DAPK1: variants seen among roughly 807,000 people sequenced by gnomAD.
DAPK1 encodes death associated protein kinase 1.
DAPK1 carries 56 observed loss-of-function variants against 144.9 expected under a neutral mutation model. The ratio of observed to expected loss-of-function variants is 0.39; its 90% confidence interval spans 0.31 to 0.48. DAPK1 has a LOEUF of 0.48. Among genes scored for constraint, DAPK1 ranks in the 20% least tolerant of loss-of-function variants. The probability of loss-of-function intolerance (pLI) is 0.95; values close to 1 mark genes in which losing one functional copy is unlikely to be tolerated. For synonymous variants in DAPK1, 690 were observed against 749.0 expected, an observed-to-expected ratio of 0.92 and a Z score of 1.29; for missense variants, 1,454 against 1,875.4, an observed-to-expected ratio of 0.78 and a Z score of 4.15.
At chr9:87,626,262 A>C (rs1829485679) in intron 3 of DAPK1, among the ~76,000 whole-genome samples, 1 of 152,154 alleles carries the variant, frequency 6.6e-6, no homozygotes, top group Admixed American at 6.6e-5. Flanking sequence ...CTAAACACAA[A>C]AAATTAGCTG....
At chr9:87,672,838 G>A (rs752868350) in intron 19 of DAPK1, among the ~76,000 whole-genome samples, 2 of 152,148 alleles carry the variant, frequency 1.3e-5, no homozygotes, top group Admixed American at 6.5e-5. Flanking sequence ...AGAATGCATC[G>A]CTGAGGATTG....
chr9:87,590,953 T>C (rs1419578666), intron 2 of DAPK1, among the ~76,000 whole-genome samples: 2 of 152,342 alleles, frequency 1.3e-5, no homozygotes, highest in Admixed American at 1.3e-4. Flanking sequence ...TCCCAATTTT[T>C]AGAAATCTGA....
chr9:87,685,932 A>G (rs1353602470), intron 20 of DAPK1, among the ~76,000 whole-genome samples: 1 of 152,216 alleles, frequency 6.6e-6, no homozygotes, highest in Non-Finnish European at 1.5e-5. Context: ...GAAGATGAGC[A>G]GGTGTTGAGG....
At chr9:87,592,030 C>T (rs1472506771) in intron 2 of DAPK1, among the ~76,000 whole-genome samples, 1 of 152,228 alleles carries the variant, frequency 6.6e-6, no homozygotes, top group Non-Finnish European at 1.5e-5. Context: ...GCCACCATTT[C>T]CTTTAGGCCC....
At chr9:87,525,382 C>T (rs1161460485) in intron 2 of DAPK1, 4 of 1,611,300 alleles carry the variant, frequency 2.5e-6, no homozygotes, top group Non-Finnish European at 2.5e-6. Context: ...GTTCAAACAA[C>T]CGGCACGGTC....
At position 87,634,963 on chromosome 9, in the gene DAPK1, G is replaced by A. The variant is rs921185431; in HGVS notation, c.285-2980G>A. Among the ~76,000 whole-genome samples, 8 of 152,130 alleles carry A rather than the reference G, an allele frequency of 5.3e-5. 1 individual carries two copies. The highest frequency in any genetic ancestry group is 2.1e-4 in the South Asian group (1 of 4,830). ...CAGCATTTATTGAGCACTAAGGGTC[G>A]CTACATGTCCTGGAACCTCAGGATG... On this transcript the variant is annotated intron_variant, in intron 3 of 25. Coordinates refer to ENST00000408954, the MANE Select transcript of DAPK1 (RefSeq NM_004938.4).
At chr9:87,663,962 G>A (rs1390531941) in intron 18 of DAPK1, among the ~76,000 whole-genome samples, 2 of 151,610 alleles carry the variant, frequency 1.3e-5, no homozygotes, top group East Asian at 1.9e-4. Flanking sequence ...CGAAGCACCC[G>A]CCTCTCCAGC....
chr9:87,688,645 A>G (rs1824951368), intron 21 of DAPK1, among the ~76,000 whole-genome samples: 1 of 152,038 alleles, frequency 6.6e-6, no homozygotes, highest in Admixed American at 6.6e-5. Flanking sequence ...GTGAAATGGT[A>G]TCTCATTGTG....
chr9:87,633,385 C>T, intron 3 of DAPK1: 3 of 985,100 alleles, frequency 3.0e-6, no homozygotes, highest in Non-Finnish European at 3.6e-6. Context: ...ATACATAGGG[C>T]CTTCTGGGCA....
Position 87,568,770 on chromosome 9 carries a change from G to GC in DAPK1, c.63-36182dup, listed in dbSNP as rs376370908. 3.7e-3 allele frequency among the ~76,000 whole-genome samples: 570 copies of GC among 152,308 alleles called. 3 individuals carry two copies. Among genetic ancestry groups the GC allele is most frequent in the African/African-American group, 0.012 (518 of 41,590 alleles). The stretch of plus-strand genomic sequence containing the variant: ...TGCAGAGTGGGTAATGGGTCTCTGA[G>GC]CCATATAGTGTTGGGGCTGTTGCAA... On this transcript the variant is annotated intron_variant, in intron 2 of 25. Coordinates refer to ENST00000408954, the MANE Select transcript of DAPK1 (RefSeq NM_004938.4).
rs111297093 is a variant in DAPK1 at position 87,681,513 on chromosome 9, T to C, written c.2111T>C (p.Val704Ala). Residue 704 changes from valine (V) to alanine (A), a missense_variant, in exon 20 of 26, where the codon GTA becomes GCA. Val to Ala is a moderately conservative substitution (Grantham distance 64). Coordinates refer to ENST00000408954, the MANE Select transcript of DAPK1 (RefSeq NM_004938.4). ...GHSGSGKTTLVESLKCGLLRS... is the reference protein window; with the variant it reads ...GHSGSGKTTLAESLKCGLLRS... ...TCGGGATCCGGGAAAACCACCCTTG[T>C]AGAATCTCTCAAGTGTGGGCTGCTG... The C allele has an allele frequency of 6.8e-6, 11 of 1,609,790 alleles. No individual in the cohort carries two copies. In the African/African-American group the frequency reaches 8.0e-5, roughly 12 times the overall value.
In DAPK1 at chr9:87,683,085, A is replaced by ATTTTTTT. The variant is rs1554704267; in HGVS notation, c.2224+1468_2224+1474dup. 3.7e-3 allele frequency among the ~76,000 whole-genome samples: 419 copies of ATTTTTTT among 112,538 alleles called. 2 individuals carry two copies. The highest frequency in any genetic ancestry group is 0.01 in the African/African-American group (383 of 36,534). The allele number at this position is 112,538 out of a possible 152,430, so 73.8% of individuals were successfully genotyped here. A position where few individuals can be genotyped will look rare whatever the true frequency, so the allele number is the denominator to read the frequency against. ...TTAAAGAAAAAAATTTATTTTATTTATTTTTTTTTTTTTTTGAGATGGAGT... is the reference window on the plus strand; with the variant it reads ...TTAAAGAAAAAAATTTATTTTATTTATTTTTTTTTTTTTTTTTTTTTTGAGATGGAGT... On this transcript the variant is annotated intron_variant, in intron 20 of 25. Coordinates refer to ENST00000408954, the MANE Select transcript of DAPK1 (RefSeq NM_004938.4).
intron 3 of DAPK1, among the ~76,000 whole-genome samples, chr9:87,630,643 GA>G (rs1253001197): frequency 6.6e-6 from 1 of 152,194 alleles, no homozygotes; most frequent in Non-Finnish European, 1.5e-5. Flanking sequence ...AGTAGTCCTG[GA>G]TTCGAGGAGC....
rs1056514379 is a variant in DAPK1, at chr9:87,705,730, T to C, written c.3061-402T>C. On this transcript the variant is annotated intron_variant, in intron 25 of 25. Transcript: ENST00000408954. The stretch of plus-strand genomic sequence containing the variant: ...ACATAACATTAATATAGTACTATGA[T>C]TGAATATATCATCCTCATACAAGGG... Among the ~76,000 whole-genome samples, 3 of 152,226 alleles carry C rather than the reference T, an allele frequency of 2.0e-5. No homozygotes were observed. The South Asian group carries it at 6.2e-4, about 32-fold the overall frequency.
At chr9:87,630,678 G>T (rs185016121) in intron 3 of DAPK1, among the ~76,000 whole-genome samples, 4 of 152,294 alleles carry the variant, frequency 2.6e-5, no homozygotes, top group Admixed American at 2.6e-4. Flanking sequence ...TTAGTTGTGG[G>T]CCTGCAAGAA....
chr9:87,689,355 G>T (rs778299123), intron 21 of DAPK1, among the ~76,000 whole-genome samples: 19 of 151,886 alleles, frequency 1.3e-4, no homozygotes, highest in African/African-American at 2.7e-4. Flanking sequence ...CCCACTTTTT[G>T]ATGGGATTGT....
intron 2 of DAPK1, among the ~76,000 whole-genome samples, chr9:87,571,102 A>G (rs970715633): frequency 1.1e-4 from 16 of 152,124 alleles, no homozygotes; most frequent in South Asian, 2.1e-4. Flanking sequence ...CCTCATGCCA[A>G]CGCCTGTTTT....
chr9:87,677,252 G>A (rs1824424605), intron 19 of DAPK1, among the ~76,000 whole-genome samples: 1 of 152,234 alleles, frequency 6.6e-6, no homozygotes, highest in African/African-American at 2.4e-5. Flanking sequence ...ATTTGAAGGA[G>A]TGAGCTGGAC....
At chr9:87,700,266 C>T (rs762739108) in intron 24 of DAPK1, 29 bp downstream of exon 24, 25 of 1,592,574 alleles carry the variant, frequency 1.6e-5, no homozygotes, top group Non-Finnish European at 2.1e-5. Flanking sequence ...GAGCCTGGAC[C>T]CCTTTGTACT....
Sources: gnomAD v4.1 joint callset for allele counts (sites outside exome capture counted in the v4.1 genomes callset) on GRCh38, gnomAD v4.1.1 for gene constraint, MANE v1.5 for transcripts, NCBI Gene and HGNC (gene_info 2026-07-23, HGNC 2026-07-21) for gene names.